The following INTS4 variants were observed in gnomAD, a reference collection of about 807,000 sequenced individuals.
INTS4 encodes integrator complex subunit 4.
INTS4 carries 70 observed loss-of-function variants against 119.5 expected under a neutral mutation model. The ratio of observed to expected loss-of-function variants is 0.59; its 90% confidence interval spans 0.48 to 0.71. The LOEUF is 0.71. Ranked by LOEUF, INTS4 falls within the 30% of genes least tolerant of loss-of-function variation. INTS4 has a pLI of 0.00. For synonymous variants in INTS4, 316 were observed against 419.6 expected (o/e 0.75, Z 3.02); for missense variants, 867 against 1,173.2 (o/e 0.74, Z 3.81).
At chr11:77,984,021 A>T (rs1856354248) in intron 2 of INTS4, among the ~76,000 whole-genome samples, 1 of 152,218 alleles carries the variant, frequency 6.6e-6, no homozygotes. Flanking sequence ...AAAATATGGT[A>T]TATACACATA....
chr11:77,991,908 C>G (rs1246731167), intron 1 of INTS4, among the ~76,000 whole-genome samples: 3 of 152,052 alleles, frequency 2.0e-5, no homozygotes, highest in Admixed American at 1.3e-4. Flanking sequence ...GTGTGTGCCA[C>G]CTCCACCTAC....
chr11:77,875,512 A>G (rs1951571051), downstream of INTS4, among the ~76,000 whole-genome samples: 1 of 152,238 alleles, frequency 6.6e-6, no homozygotes, highest in Admixed American at 6.5e-5. Context: ...AAATGAAAAT[A>G]ACTGAGTGGA....
chr11:77,961,331 G>A (rs1954471409), intron 4 of INTS4, among the ~76,000 whole-genome samples, 193 bp from the exon 5 acceptor site: 1 of 151,864 alleles, frequency 6.6e-6, no homozygotes, highest in Non-Finnish European at 1.5e-5. Context: ...AAAAAAATGA[G>A]TCCTTAGAAA....
At chr11:77,898,904 C>A (rs1952649046) in intron 18 of INTS4, among the ~76,000 whole-genome samples, 1 of 152,084 alleles carries the variant, frequency 6.6e-6, no homozygotes, top group African/African-American at 2.4e-5. Context: ...CCTGTAGTCC[C>A]AGCTACTTGG....
intron 21 of INTS4, 66 bp downstream of exon 21, chr11:77,891,253 G>A (rs1264657603): frequency 1.3e-6 from 2 of 1,495,538 alleles, no homozygotes; most frequent in East Asian, 2.4e-5. Flanking sequence ...CTACAGGGGT[G>A]CTAACATTAA....
chr11:77,960,758 G>T (rs997989448), intron 5 of INTS4, among the ~76,000 whole-genome samples, 195 bp downstream of exon 5: 1 of 152,108 alleles, frequency 6.6e-6, no homozygotes, highest in African/African-American at 2.4e-5. Context: ...AAATACACAT[G>T]AAAGCTACCA....
chr11:77,918,927 G>C lies in INTS4; in HGVS notation c.1816C>G (p.Gln606Glu). 4 of 1,613,948 alleles carry C rather than the reference G, an allele frequency of 2.5e-6. No individual in the cohort carries two copies. The highest frequency in any genetic ancestry group is 3.4e-6 in the Non-Finnish European group (4 of 1,179,858). ...AGGAACTGCTGGGAAGGATCCTCTTGAGGTATGATGCTGGGAGAAACAGCT... is the reference window on the plus strand; with the variant it reads ...AGGAACTGCTGGGAAGGATCCTCTTCAGGTATGATGCTGGGAGAAACAGCT... ...SSAVSPSIIP[Q>E]EDPSQQFLQQ... The change falls in exon 15 of 23, where the codon CAA becomes GAA. Residue 606 changes from glutamine (Q) to glutamate (E), a missense_variant. Physicochemically the swap from Gln to Glu is conservative, Grantham distance 29. Transcript: ENST00000534064.
At chr11:77,878,223 G>A (rs901085936), downstream of INTS4, among the ~76,000 whole-genome samples, 9 of 152,144 alleles carry the variant, frequency 5.9e-5, no homozygotes, top group East Asian at 9.7e-4. Flanking sequence ...TTAGCAAGGC[G>A]TGGTGACAGG....
Position 77,887,435 on chromosome 11 carries a change from G to A in INTS4, c.2593-3483C>T, listed in dbSNP as rs1952061609. Reference sequence around the variant, plus strand: ...TGAGACGTATCTCAAAATAATAAGAGCTATCTATGACAAACCCACAGCCAA... The same window carrying A: ...TGAGACGTATCTCAAAATAATAAGAACTATCTATGACAAACCCACAGCCAA... On this transcript the variant is annotated intron_variant, in intron 21 of 22. Coordinates refer to ENST00000534064, the MANE Select transcript of INTS4 (RefSeq NM_033547.4). Among the ~76,000 whole-genome samples the A allele has an allele frequency of 2.0e-5, 3 of 152,206 alleles. No individual in the cohort carries two copies. In the South Asian group the frequency reaches 6.2e-4, roughly 32 times the overall value.
chr11:77,878,656 A>C (rs1951674065), downstream of INTS4: 1 of 647,086 alleles, frequency 1.5e-6, no homozygotes, highest in African/African-American at 1.8e-5. Context: ...GCATGTAAGC[A>C]CGTAGTATAA....
intron 10 of INTS4, among the ~76,000 whole-genome samples, chr11:77,931,294 G>A (rs1312132631): frequency 6.6e-6 from 1 of 152,172 alleles, no homozygotes; most frequent in Non-Finnish European, 1.5e-5. Flanking sequence ...AGAAGTATGT[G>A]AGGCACTACA....
chr11:77,905,195 G>C (rs1290381951), intron 16 of INTS4, among the ~76,000 whole-genome samples: 3 of 152,142 alleles, frequency 2.0e-5, no homozygotes, highest in African/African-American at 7.2e-5. Flanking sequence ...GGTGGCTCAT[G>C]CCTGTAATCC....
At chr11:77,951,037 T>G (rs903997163) in intron 8 of INTS4, among the ~76,000 whole-genome samples, 5 of 152,030 alleles carry the variant, frequency 3.3e-5, no homozygotes, top group African/African-American at 1.2e-4. Context: ...TCCATGTCCC[T>G]ACAAAGGACA....
chr11:77,926,720 G>A (rs2136491665), intron 11 of INTS4, among the ~76,000 whole-genome samples: 2 of 151,648 alleles, frequency 1.3e-5, no homozygotes, highest in Middle Eastern at 6.8e-3. Context: ...ACTGAGGCAG[G>A]AGAATTGCTT....
intron 2 of INTS4, chr11:77,986,980 G>A: frequency 6.6e-6 from 1 of 151,942 alleles, no homozygotes; most frequent in East Asian, 1.9e-4. Flanking sequence ...AGAACCTAAA[G>A]TATAATAATA....
At position 77,891,701 on chromosome 11, in the gene INTS4, G is replaced by A; in HGVS notation, c.2428C>T (p.His810Tyr). ...CTGACCTGCTCTGGAAGCGGGAGAT[G>A]CAGAAAGGCACTCTGTCGCAGCATG... is the stretch of plus-strand genomic sequence containing the variant. Reference protein sequence around the residue: ...QTMLRQSAFLHLPLPEQIHKA... With the variant: ...QTMLRQSAFLYLPLPEQIHKA... The change falls in exon 20 of 23, where the codon CAT becomes TAT. Residue 810 changes from histidine to tyrosine, a missense_variant. His to Tyr is a moderately conservative substitution (Grantham distance 83). Around this residue, in one of 5 missense-constraint regions of INTS4, gnomAD observed 262 missense variants for 376.0 expected, o/e 0.70. Coordinates refer to ENST00000534064, the MANE Select transcript of INTS4 (RefSeq NM_033547.4). The A allele has an allele frequency of 6.2e-7, 1 of 1,612,012 alleles. No individual in the cohort carries two copies. Among genetic ancestry groups the A allele is most frequent in the Non-Finnish European group, 8.5e-7 (1 of 1,179,852 alleles).
intron 4 of INTS4, among the ~76,000 whole-genome samples, chr11:77,968,308 G>A (rs1288255672): frequency 6.6e-6 from 1 of 152,134 alleles, no homozygotes; most frequent in African/African-American, 2.4e-5. Flanking sequence ...ACATTATTCA[G>A]CTGTAAAAAG....
intron 15 of INTS4, chr11:77,910,929 G>A: frequency 8.9e-7 from 1 of 1,125,944 alleles, no homozygotes; most frequent in Non-Finnish European, 1.2e-6. Context: ...CTTTTTAATA[G>A]CAACATTAAA....
chr11:77,897,065 G>A (rs1238890161), intron 18 of INTS4, among the ~76,000 whole-genome samples: 1 of 151,956 alleles, frequency 6.6e-6, no homozygotes, highest in Non-Finnish European at 1.5e-5. Flanking sequence ...ATTCTGGTGT[G>A]GCGGGGGTTG....
Sources: allele counts gnomAD v4.1 joint callset (sites outside exome capture counted in the v4.1 genomes callset), GRCh38; gene constraint gnomAD v4.1.1; regional missense constraint gnomAD v4.1.1; transcripts MANE v1.5; gene names NCBI Gene and HGNC (gene_info 2026-07-23, HGNC 2026-07-21).